Variants in HLF observed in about 807,000 individuals in gnomAD.
HLF encodes the protein hepatic leukemia factor.
Under a neutral mutation model 22.6 loss-of-function variants are expected in HLF, and 3 were observed. The observed-to-expected ratio is 0.13, with a 90% CI of 0.06 to 0.34. The LOEUF is 0.34. HLF is among the 10% of genes least tolerant of loss of function. The probability of loss-of-function intolerance (pLI) is 1.00; values close to 1 mark genes in which losing one functional copy is unlikely to be tolerated. For synonymous variants in HLF, 151 were observed against 151.8 expected (o/e 0.99, Z 0.04); for missense variants, 299 against 389.2 (o/e 0.77, Z 1.95).
In HLF at chr17:55,323,107, G is replaced by C; in HGVS notation, c.*2228G>C. On this transcript the variant is annotated 3_prime_UTR_variant, in exon 4 of 4. Coordinates refer to ENST00000226067, the MANE Select transcript of HLF (RefSeq NM_002126.5). ...TAGACTTGGGAAACCCAACCAGTAG[G>C]ATATTTCTACAAGGTGTTCATTTTG... The C allele has an allele frequency of 4.6e-6, 1 of 219,184 alleles. No homozygotes were observed. The allele number at this position is 219,184 out of a possible 1,614,324, so 13.6% of individuals were successfully genotyped here.
At chr17:55,285,228 C>T (rs537308816) in intron 2 of HLF, among the ~76,000 whole-genome samples, 42 of 152,308 alleles carry the variant, frequency 2.8e-4, no homozygotes, top group Non-Finnish European at 4.3e-4. Flanking sequence ...GAGTCAAGCT[C>T]CTGCTATATT....
At chr17:55,295,418 A>G (rs538295950) in intron 2 of HLF, among the ~76,000 whole-genome samples, 1 of 152,336 alleles carries the variant, frequency 6.6e-6, no homozygotes, top group African/African-American at 2.4e-5. Context: ...AAAACAGAAA[A>G]TTTAAAACGT....
chr17:55,315,180 G>A, intron 2 of HLF, 47 bp from the exon 3 acceptor site: 5 of 1,442,992 alleles, frequency 3.5e-6, no homozygotes, highest in Non-Finnish European at 4.9e-6. Context: ...GCTGCCTACT[G>A]GGTCTCTCTA....
intron 2 of HLF, among the ~76,000 whole-genome samples, chr17:55,268,341 GC>G (rs2080816603): frequency 6.6e-6 from 1 of 152,168 alleles, no homozygotes; most frequent in African/African-American, 2.4e-5. Flanking sequence ...TGGAATGAGG[GC>G]CCAGGAATAT....
In HLF at chr17:55,299,345, G is replaced by A. The variant is rs569426089; in HGVS notation, c.452-15882G>A. Among the ~76,000 whole-genome samples, 31 of 152,290 alleles carry A rather than the reference G, an allele frequency of 2.0e-4. No individual in the cohort carries two copies. In the East Asian group the frequency reaches 3.7e-3, roughly 18 times the overall value. ...AGGGAGACAGCCTGTGGTGCCGATCGTAGGCTGTTGAGGCTATCTCTACGG... is the reference window on the plus strand; with the variant it reads ...AGGGAGACAGCCTGTGGTGCCGATCATAGGCTGTTGAGGCTATCTCTACGG... On this transcript the variant is annotated intron_variant, in intron 2 of 3. Coordinates refer to ENST00000226067, the MANE Select transcript of HLF (RefSeq NM_002126.5).
chr17:55,264,983 T>A lies in HLF; in HGVS notation c.-502T>A, dbSNP rs1164561311. 3.2e-5 allele frequency: 5 copies of A among 153,862 alleles called. No homozygotes were observed. The highest frequency in any genetic ancestry group is 7.1e-5 in the Admixed American group (1 of 14,134). 9.5% of individuals were successfully genotyped at this position (153,862 alleles called of 1,614,324 possible). ...TCACTCTTGTCAGGGCCGCGGCACATGGGCGGCCGGATGCGCTGAGCCCGG... is the reference window on the plus strand; with the variant it reads ...TCACTCTTGTCAGGGCCGCGGCACAAGGGCGGCCGGATGCGCTGAGCCCGG... On this transcript the variant is annotated 5_prime_UTR_variant, in exon 1 of 4. It removes an upstream start codon present in the reference 5' UTR. Transcript: ENST00000226067.
At chr17:55,290,621 C>T (rs2081052680) in intron 2 of HLF, among the ~76,000 whole-genome samples, 1 of 152,164 alleles carries the variant, frequency 6.6e-6, no homozygotes, top group Non-Finnish European at 1.5e-5. Context: ...CTTGGGATTC[C>T]TGTTCCCTGA....
chr17:55,304,846 C>A (rs539779379), intron 2 of HLF, among the ~76,000 whole-genome samples: 1 of 152,318 alleles, frequency 6.6e-6, no homozygotes, highest in Admixed American at 6.5e-5. Flanking sequence ...GGAATCAGAC[C>A]ATGAGGCAGA....
At chr17:55,309,638 A>G (rs934532530) in intron 2 of HLF, among the ~76,000 whole-genome samples, 1 of 152,212 alleles carries the variant, frequency 6.6e-6, no homozygotes, top group African/African-American at 2.4e-5. Flanking sequence ...CATCAGCTCT[A>G]AAGGAAACCC....
chr17:55,308,181 G>A (rs1359168338), intron 2 of HLF, among the ~76,000 whole-genome samples: 1 of 152,200 alleles, frequency 6.6e-6, no homozygotes, highest in African/African-American at 2.4e-5. Flanking sequence ...TTATCACAGT[G>A]TACCGCTGTG....
intron 2 of HLF, among the ~76,000 whole-genome samples, chr17:55,277,280 C>CGT (rs2080914073): frequency 1.8e-5 from 2 of 111,098 alleles, no homozygotes; most frequent in African/African-American, 7.1e-5. Flanking sequence ...TGTGTGCGCG[C>CGT]GCATGTGTAC....
intron 2 of HLF, among the ~76,000 whole-genome samples, chr17:55,282,534 G>A (rs7219405): frequency 0.18 from 26,921 of 152,132 alleles, 5,025 homozygotes; most frequent in African/African-American, 0.47. Context: ...TGGAAAACAC[G>A]TAGCAACAAT....
chr17:55,278,426 C>A (rs554779734), intron 2 of HLF, among the ~76,000 whole-genome samples: 1 of 152,330 alleles, frequency 6.6e-6, no homozygotes. Context: ...CAGGCATGGA[C>A]AGTAGAGCAG....
intron 2 of HLF, among the ~76,000 whole-genome samples, chr17:55,301,400 G>GC (rs1242364718): frequency 6.6e-6 from 1 of 152,240 alleles, no homozygotes; most frequent in African/African-American, 2.4e-5. Context: ...TAAGGCAGTG[G>GC]CATGGCCTTT....
chr17:55,296,297 T>C (rs1008097218), intron 2 of HLF, among the ~76,000 whole-genome samples: 1 of 152,184 alleles, frequency 6.6e-6, no homozygotes, highest in African/African-American at 2.4e-5. Flanking sequence ...TTAAAAGAAA[T>C]TTAAACATTT....
intron 2 of HLF, among the ~76,000 whole-genome samples, chr17:55,304,908 T>A (rs1904472768): frequency 6.6e-6 from 1 of 152,182 alleles, no homozygotes. Context: ...TCATGATGAA[T>A]CCTGTTTGTC....
At chr17:55,272,703 A>C (rs1159216513) in intron 2 of HLF, 1 of 152,252 alleles carries the variant, frequency 6.6e-6, no homozygotes, top group African/African-American at 2.4e-5. Context: ...TGGGAATCTG[A>C]GTAATGATGG....
At chr17:55,306,157 G>T (rs144554971) in intron 2 of HLF, among the ~76,000 whole-genome samples, 1 of 152,000 alleles carries the variant, frequency 6.6e-6, no homozygotes, top group Non-Finnish European at 1.5e-5. Flanking sequence ...GGAGTTCAAG[G>T]TTTCAGTGAA....
At position 55,264,966 on chromosome 17, in the gene HLF, G is replaced by A. The variant is rs1847893089; in HGVS notation, c.-519G>A. On this transcript the variant is annotated 5_prime_UTR_variant, in exon 1 of 4. Transcript: ENST00000226067. ...AGGTGCGGGCCCTGACGTCACTCTT[G>A]TCAGGGCCGCGGCACATGGGCGGCC... 6.1e-6 allele frequency: 1 copy of A among 165,202 alleles called. No individual in the cohort carries two copies. Among genetic ancestry groups the A allele is most frequent in the South Asian group, 2.0e-4 (1 of 4,960 alleles). The allele number at this position is 165,202 out of a possible 1,614,324, so 10.2% of individuals were successfully genotyped here.
Sources: gnomAD v4.1 joint callset for allele counts (sites outside exome capture counted in the v4.1 genomes callset) on GRCh38, gnomAD v4.1.1 for gene constraint, MANE v1.5 for transcripts, NCBI Gene and HGNC (gene_info 2026-07-23, HGNC 2026-07-21) for gene names.